PCDH11X: variants seen among roughly 807,000 people sequenced by gnomAD.
PCDH11X encodes protocadherin 11 X-linked, also known as protocadherin-11 X-linked.
In PCDH11X, 18 loss-of-function variants were observed where a neutral mutation model predicts 53.3. The ratio of observed to expected loss-of-function variants is 0.34; its 90% confidence interval spans 0.23 to 0.50. PCDH11X has a LOEUF of 0.50. Ranked by LOEUF, PCDH11X falls within the 20% of genes least tolerant of loss-of-function variation. PCDH11X has a pLI of 0.98. For missense variants in PCDH11X, 570 were observed against 1,032.4 expected (o/e 0.55, Z 6.14); for synonymous variants, 279 against 393.3 (o/e 0.71, Z 3.44).
Position 92,442,663 on chromosome X carries a change from G to A in PCDH11X, c.3344-25636G>A, listed in dbSNP as rs370100550. ...AGTGTGAAAATGGACTAATACATGTGTTATTTGGGTTTATGTACTTGTATT... is the reference window on the plus strand; with the variant it reads ...AGTGTGAAAATGGACTAATACATGTATTATTTGGGTTTATGTACTTGTATT... On this transcript the variant is annotated intron_variant, in intron 9 of 10. Transcript: ENST00000682573. 9.3e-4 allele frequency among the ~76,000 whole-genome samples: 97 copies of A among 104,157 alleles called. 2 individuals carry two copies. In the East Asian group the frequency reaches 0.029, roughly 31 times the overall value. 90.4% of individuals were successfully genotyped at this position (104,157 alleles called of 115,157 possible). A position where few individuals can be genotyped will look rare whatever the true frequency, so the allele number is the denominator to read the frequency against.
chrX:92,560,879 C>G (rs138304032), intron 10 of PCDH11X, among the ~76,000 whole-genome samples: 1 of 109,377 alleles, frequency 9.1e-6, no homozygotes, highest in African/African-American at 3.4e-5. Context: ...AGAAAAGCGT[C>G]TTGGGCAAGA....
At chrX:92,338,502 T>G (rs2069674521) in intron 8 of PCDH11X, among the ~76,000 whole-genome samples, 1 of 110,492 alleles carries the variant, frequency 9.1e-6, no homozygotes, top group Non-Finnish European at 1.9e-5. Context: ...TTCCAAATGT[T>G]GGAAGCATTT....
intron 6 of PCDH11X, among the ~76,000 whole-genome samples, chrX:91,902,469 T>C (rs1357505427): frequency 2.0e-5 from 2 of 102,243 alleles, no homozygotes; most frequent in Non-Finnish European, 4.0e-5. Context: ...CATTTCTTTT[T>C]CTGTGTGGTA....
intron 8 of PCDH11X, among the ~76,000 whole-genome samples, chrX:92,302,693 C>T (rs1300206949): frequency 9.4e-6 from 1 of 106,834 alleles, no homozygotes; most frequent in Non-Finnish European, 1.9e-5. Context: ...AATGCAGCAC[C>T]CATGTACTAT....
intron 9 of PCDH11X, among the ~76,000 whole-genome samples, chrX:92,411,147 C>T (rs1215478334): frequency 2.8e-5 from 3 of 108,308 alleles, no homozygotes; most frequent in Non-Finnish European, 5.7e-5. Flanking sequence ...TTTTTAAAAT[C>T]CAAATATATT....
intron 6 of PCDH11X, among the ~76,000 whole-genome samples, chrX:92,024,581 A>G (rs1399532573): frequency 9.2e-6 from 1 of 109,042 alleles, no homozygotes; most frequent in Non-Finnish European, 1.9e-5. Flanking sequence ...GAAAACGGCC[A>G]TACTGCCCAA....
rs377727131 is a variant in PCDH11X, at chrX:91,803,428, C to A, written c.-378-6038C>A. Among the ~76,000 whole-genome samples the A allele has an allele frequency of 1.3e-3, 148 of 111,057 alleles. 2 individuals carry two copies. The South Asian group carries it at 0.054, about 41-fold the overall frequency. ...TTTTGGGTGATGTCCTTAATAATTACAATCTAGATTCTGATTCCAAAACTT... is the reference window on the plus strand; with the variant it reads ...TTTTGGGTGATGTCCTTAATAATTAAAATCTAGATTCTGATTCCAAAACTT... On this transcript the variant is annotated intron_variant, in intron 1 of 10. Transcript: ENST00000682573.
Position 92,618,571 on chromosome X carries a change from A to G in PCDH11X, c.3675A>G (p.Leu1225=). The part of the protein sequence containing the change: ...QVSALHHSPP[L]VQATALHHSP... ...CTGCTCTCCACCACAGTCCTCCTCT[A>G]GTGCAGGCTACTGCACTTCACCACA... The change falls in exon 11 of 11, where the codon CTA becomes CTG. Residue 1225 remains leucine (L), a synonymous_variant. Coordinates refer to ENST00000682573, the MANE Select transcript of PCDH11X (RefSeq NM_032968.5). 8.3e-7 allele frequency: 1 copy of G among 1,211,267 alleles called. No individual in the cohort carries two copies. The highest frequency in any genetic ancestry group is 1.8e-5 in the South Asian group (1 of 56,932).
At chrX:92,417,344 G>C (rs1252665578) in intron 9 of PCDH11X, among the ~76,000 whole-genome samples, 2 of 110,331 alleles carry the variant, frequency 1.8e-5, no homozygotes, top group African/African-American at 3.3e-5. Flanking sequence ...TGCTAAATCA[G>C]TACTATTTTT....
intron 6 of PCDH11X, among the ~76,000 whole-genome samples, chrX:91,907,278 T>C (rs1470703265): frequency 9.9e-6 from 1 of 101,242 alleles, no homozygotes; most frequent in South Asian, 5.0e-4. Context: ...ATGGTATTTA[T>C]TTTTTATTTG....
chrX:92,545,387 CTTTTTTTTTTT>C (rs566573698), intron 10 of PCDH11X, among the ~76,000 whole-genome samples: 15 of 66,046 alleles, frequency 2.3e-4, no homozygotes, highest in African/African-American at 8.5e-4. Flanking sequence ...GGTTAAATTC[CTTTTTTTTTTT>C]TTTTTTTTTT....
intron 6 of PCDH11X, among the ~76,000 whole-genome samples, chrX:92,018,043 A>AT (rs1481463220): frequency 2.9e-5 from 3 of 102,832 alleles, no homozygotes; most frequent in Non-Finnish European, 5.9e-5. Flanking sequence ...AAGCAGCCAA[A>AT]TGGTTAGGCT....
intron 6 of PCDH11X, among the ~76,000 whole-genome samples, chrX:92,193,956 C>T (rs1037080769): frequency 6.3e-5 from 7 of 111,689 alleles, no homozygotes; most frequent in Admixed American, 4.8e-4. Context: ...CTGAATCATA[C>T]GTTTAGAAAA....
intron 10 of PCDH11X, among the ~76,000 whole-genome samples, chrX:92,534,169 G>A (rs746747361): frequency 1.0e-3 from 112 of 109,265 alleles, no homozygotes; most frequent in Admixed American, 3.6e-3. Flanking sequence ...AATATTAGAC[G>A]AATAGCTAAC....
chrX:92,095,464 G>A (rs1331761962), intron 6 of PCDH11X, among the ~76,000 whole-genome samples: 1 of 110,662 alleles, frequency 9.0e-6, no homozygotes, highest in Non-Finnish European at 1.9e-5. Context: ...TCATTCTGGG[G>A]CTAGTATGGC....
chrX:91,787,653 T>C lies in PCDH11X; in HGVS notation c.-379+7969T>C, dbSNP rs191399550. Among the ~76,000 whole-genome samples, 341 of 111,125 alleles carry C rather than the reference T, an allele frequency of 3.1e-3. 2 individuals carry two copies. The highest frequency in any genetic ancestry group is 3.5e-3 in the Non-Finnish European group (186 of 52,977). ...AAAAAGCAGTAGACGTCTAGGACAT[T>C]CTTTCCTTGTCCCTTGGCTCTGCAC... On this transcript the variant is annotated intron_variant, in intron 1 of 10. Coordinates refer to ENST00000682573, the MANE Select transcript of PCDH11X (RefSeq NM_032968.5).
At chrX:91,895,864 T>C (rs1162969320) in intron 6 of PCDH11X, among the ~76,000 whole-genome samples, 1 of 106,119 alleles carries the variant, frequency 9.4e-6, no homozygotes, top group Non-Finnish European at 1.9e-5. Flanking sequence ...ACATTATACA[T>C]ATATACATAT....
intron 6 of PCDH11X, among the ~76,000 whole-genome samples, chrX:92,052,940 C>A (rs2063387946): frequency 1.8e-5 from 2 of 111,278 alleles, no homozygotes; most frequent in Admixed American, 9.6e-5. Flanking sequence ...AAAATAAAGT[C>A]ATTACATTTT....
At chrX:92,504,359 T>C (rs2074013795) in intron 10 of PCDH11X, among the ~76,000 whole-genome samples, 1 of 108,536 alleles carries the variant, frequency 9.2e-6, no homozygotes, top group Admixed American at 1.0e-4. Context: ...TGAGAACATG[T>C]GGTATTTGGT....
Sources: gnomAD v4.1 joint callset for allele counts (sites outside exome capture counted in the v4.1 genomes callset) on GRCh38, gnomAD v4.1.1 for gene constraint, MANE v1.5 for transcripts, NCBI Gene and HGNC (gene_info 2026-07-23, HGNC 2026-07-21) for gene names.